PIEZO2: variants seen among roughly 807,000 people sequenced by gnomAD.
PIEZO2 encodes the protein piezo type mechanosensitive ion channel component 2.
PIEZO2 carries 172 observed loss-of-function variants against 337.3 expected under a neutral mutation model. The observed-to-expected ratio is 0.51, with a 90% CI of 0.45 to 0.58. PIEZO2 has a LOEUF of 0.58. PIEZO2 is among the 20% of genes least tolerant of loss of function. The probability of loss-of-function intolerance (pLI) is 0.00; values close to 1 mark genes in which losing one functional copy is unlikely to be tolerated. For missense variants in PIEZO2, 3,028 were observed against 3,391.3 expected (o/e 0.89, Z 2.66); for synonymous variants, 1,251 against 1,228.5 (o/e 1.02, Z -0.38).
intron 39 of PIEZO2, among the ~76,000 whole-genome samples, chr18:10,714,208 G>C (rs2035925321): frequency 6.6e-6 from 1 of 152,196 alleles, no homozygotes. Flanking sequence ...CCCAGGTACA[G>C]TGCTTAGTGC....
intron 1 of PIEZO2, among the ~76,000 whole-genome samples, chr18:11,084,176 CAAAAAAAAAAA>C (rs1161713844): frequency 4.6e-5 from 3 of 64,778 alleles, no homozygotes; most frequent in African/African-American, 9.6e-5. Context: ...AACTCTGTCT[CAAAAAAAAAAA>C]AAAAAAAAAA....
Position 10,813,104 on chromosome 18 carries a change from G to A in PIEZO2, c.918-5830C>T, listed in dbSNP as rs1453130727. On this transcript the variant is annotated intron_variant, in intron 7 of 55. Transcript: ENST00000674853. The surrounding 1 kb of genome is among the most constrained non-coding windows in gnomAD (Gnocchi z 4.2). ...AAGTGATTCTCCTGCCTCAGCCTCC[G>A]GAGTATCTAGGATTACAGGCACGCG... Among the ~76,000 whole-genome samples the A allele has an allele frequency of 6.6e-6, 1 of 151,260 alleles. No homozygotes were observed. Among genetic ancestry groups the A allele is most frequent in the African/African-American group, 2.4e-5 (1 of 41,144 alleles).
At chr18:10,887,760 C>A (rs1454476862) in intron 4 of PIEZO2, among the ~76,000 whole-genome samples, 3 of 152,122 alleles carry the variant, frequency 2.0e-5, no homozygotes, top group Non-Finnish European at 4.4e-5. Context: ...GTCTTTCATG[C>A]CTTTGACAAT....
intron 1 of PIEZO2, among the ~76,000 whole-genome samples, chr18:11,144,273 T>G (rs2146296747): frequency 6.6e-6 from 1 of 152,346 alleles, no homozygotes; most frequent in East Asian, 1.9e-4. Context: ...AGCTCTAAAT[T>G]TCCAATCCTT....
chr18:10,911,733 G>A (rs1232386077), intron 3 of PIEZO2, among the ~76,000 whole-genome samples: 3 of 147,624 alleles, frequency 2.0e-5, no homozygotes, highest in East Asian at 2.0e-4. Context: ...TAGCCTGGGC[G>A]ACAAGAGCAA....
intron 7 of PIEZO2, among the ~76,000 whole-genome samples, chr18:10,810,846 C>T (rs766165439): frequency 2.0e-5 from 3 of 152,158 alleles, no homozygotes; most frequent in Non-Finnish European, 4.4e-5. Context: ...CTTAGGATAA[C>T]ACCAGCCCCC....
intron 4 of PIEZO2, among the ~76,000 whole-genome samples, chr18:10,896,869 TTGGG>T (rs2042915820): frequency 1.3e-5 from 2 of 151,968 alleles, no homozygotes; most frequent in Non-Finnish European, 2.9e-5. Flanking sequence ...CCAAAAAGAG[TTGGG>T]GGTGAGGTGT....
chr18:10,934,448 A>T (rs971970005), intron 3 of PIEZO2, among the ~76,000 whole-genome samples: 1 of 152,210 alleles, frequency 6.6e-6, no homozygotes, highest in African/African-American at 2.4e-5. Context: ...GTGGAAAAGT[A>T]TGAAAGGGGC....
chr18:11,000,437 G>A (rs2035488600), intron 2 of PIEZO2, among the ~76,000 whole-genome samples: 1 of 152,156 alleles, frequency 6.6e-6, no homozygotes, highest in African/African-American at 2.4e-5. Context: ...ATCTGAAAAT[G>A]TACCTCACAA....
At chr18:10,998,861 C>CAAAAAA (rs10544415) in intron 2 of PIEZO2, among the ~76,000 whole-genome samples, 1 of 118,814 alleles carries the variant, frequency 8.4e-6, no homozygotes. Context: ...TCAAATACAG[C>CAAAAAA]AAAAAAAAAA....
intron 1 of PIEZO2, among the ~76,000 whole-genome samples, chr18:11,085,447 T>G (rs1373945505): frequency 6.6e-6 from 1 of 152,184 alleles, no homozygotes; most frequent in East Asian, 1.9e-4. Context: ...GGAATATTTC[T>G]CCTCTTCCTT....
In PIEZO2 at chr18:11,104,332, A is replaced by T. The variant is rs1041525916; in HGVS notation, c.65-38110T>A. Reference sequence around the variant, plus strand: ...GAAAGCTATGCTGTTAGCCCTAGCCACCCCACCTCAAGCCAGGAGGCTCTT... The same window carrying T: ...GAAAGCTATGCTGTTAGCCCTAGCCTCCCCACCTCAAGCCAGGAGGCTCTT... On this transcript the variant is annotated intron_variant, in intron 1 of 55. Coordinates refer to ENST00000674853, the MANE Select transcript of PIEZO2 (RefSeq NM_001378183.1). The surrounding 1 kb of genome is among the most constrained non-coding windows in gnomAD (Gnocchi z 4.6). Among the ~76,000 whole-genome samples the T allele has an allele frequency of 5.3e-5, 8 of 152,108 alleles. No individual in the cohort carries two copies. The highest frequency in any genetic ancestry group is 4.6e-4 in the Admixed American group (7 of 15,266).
rs1189132432 is a variant in PIEZO2, at chr18:10,796,206, T to TA, written c.1527+1167dup. Among the ~76,000 whole-genome samples, 568 of 142,102 alleles carry TA rather than the reference T, an allele frequency of 4.0e-3. 3 individuals are homozygous for TA. The highest frequency in any genetic ancestry group is 0.025 in the Middle Eastern group (7 of 276). 93.2% of individuals were successfully genotyped at this position (142,102 alleles called of 152,430 possible). On this transcript the variant is annotated intron_variant, in intron 12 of 55. Coordinates refer to ENST00000674853, the MANE Select transcript of PIEZO2 (RefSeq NM_001378183.1). The stretch of plus-strand genomic sequence containing the variant: ...GGTGAAACCCCGTCTCTACTAAAAA[T>TA]AAAAAAAAAAAAAATTAGCCGGGCG...
In PIEZO2 at chr18:11,033,537, G is replaced by A. The variant is rs576416820; in HGVS notation, c.160+32590C>T. Reference sequence around the variant, plus strand: ...AGAATTGCCTCCAAGACACACTTAAGGAACGCATTCCATGACACATGTTTG... The same window carrying A: ...AGAATTGCCTCCAAGACACACTTAAAGAACGCATTCCATGACACATGTTTG... On this transcript the variant is annotated intron_variant, in intron 2 of 55. Transcript: ENST00000674853. This position sits in a 1 kb window ranked among gnomAD's most constrained non-coding sequence, Gnocchi z 4.2. 3.9e-5 allele frequency among the ~76,000 whole-genome samples: 6 copies of A among 152,306 alleles called. No homozygotes were observed. In the East Asian group the frequency reaches 9.6e-4, roughly 24 times the overall value.
At chr18:11,052,232 A>G (rs1022050719) in intron 2 of PIEZO2, among the ~76,000 whole-genome samples, 1 of 152,002 alleles carries the variant, frequency 6.6e-6, no homozygotes, top group African/African-American at 2.4e-5. Context: ...CAGATAAAGA[A>G]CCTCTCCAGA....
At chr18:11,139,111 G>A (rs1057362476) in intron 1 of PIEZO2, among the ~76,000 whole-genome samples, 10 of 152,172 alleles carry the variant, frequency 6.6e-5, no homozygotes, top group Middle Eastern at 6.8e-3. Flanking sequence ...ACCGTATGTC[G>A]GGCACTGCTC....
chr18:10,752,700 A>T lies in PIEZO2; in HGVS notation c.4103T>A (p.Leu1368Gln). Residue 1368 changes from leucine (L) to glutamine (Q), a missense_variant, in exon 28 of 56, where the codon CTG becomes CAG. Leu to Gln is a moderately radical substitution (Grantham distance 113). Around this residue, in one of 5 missense-constraint regions of PIEZO2, gnomAD observed 1,925 missense variants for 2,051.9 expected, o/e 0.94. Transcript: ENST00000674853. ...TGCGATCAGCCAGTCCCAGTAGCGC[A>T]GGATGCTCTTGATGGGTTTCAACAG... ...DLLLKPIKSI[L>Q]RYWDWLIAYN... is the part of the protein sequence containing the mutation. The T allele has an allele frequency of 6.5e-7, 1 of 1,537,244 alleles. No homozygotes were observed. Among genetic ancestry groups the T allele is most frequent in the Non-Finnish European group, 8.7e-7 (1 of 1,146,886 alleles).
At chr18:10,887,900 C>T (rs758276205) in intron 4 of PIEZO2, among the ~76,000 whole-genome samples, 11 of 152,224 alleles carry the variant, frequency 7.2e-5, no homozygotes, top group African/African-American at 1.2e-4. Flanking sequence ...GTCCCCAGCT[C>T]ATCCCACCGT....
chr18:10,891,637 T>G (rs1261278184), intron 4 of PIEZO2, among the ~76,000 whole-genome samples: 3 of 152,178 alleles, frequency 2.0e-5, no homozygotes, highest in Non-Finnish European at 4.4e-5. Flanking sequence ...GGTTTTGCCA[T>G]CACAAAACTA....
Sources: gnomAD v4.1 joint callset for allele counts (sites outside exome capture counted in the v4.1 genomes callset) on GRCh38, gnomAD v4.1.1 for gene constraint, gnomAD v4.1.1 regional missense constraint, Gnocchi (gnomAD v3.1) non-coding constraint, MANE v1.5 for transcripts, NCBI Gene and HGNC (gene_info 2026-07-23, HGNC 2026-07-21) for gene names.